The following ADGRG5 variants were observed in gnomAD, a reference collection of about 807,000 sequenced individuals.
The protein encoded by ADGRG5 is adhesion G protein-coupled receptor G5, also known as G protein-coupled receptor 114.
Under a neutral mutation model 53.2 loss-of-function variants are expected in ADGRG5, and 37 were observed. The ratio of observed to expected loss-of-function variants is 0.70; its 90% confidence interval spans 0.53 to 0.91. ADGRG5 has a LOEUF of 0.91. Ranked by LOEUF, ADGRG5 falls within the 40% of genes least tolerant of loss-of-function variation. ADGRG5 has a pLI of 0.00. For missense variants in ADGRG5, 614 were observed against 675.8 expected (o/e 0.91, Z 1.01); for synonymous variants, 277 against 290.4 (o/e 0.95, Z 0.47).
chr16:57,562,427 G>T lies in ADGRG5; in HGVS notation c.108G>T (p.Val36=). ...TGAGCTACATGGAGAATATGCAGGT[G>T]TCCAGGGGCCGGAGCTCAGTTTTTT... ...ELLSYMENMQ[V]SRGRSSVFSS... The change falls in exon 3 of 12, where the codon GTG becomes GTT. Residue 36 remains valine (V), a synonymous_variant. Transcript: ENST00000349457. The T allele has an allele frequency of 6.2e-7, 1 of 1,607,680 alleles. No individual in the cohort carries two copies. Among genetic ancestry groups the T allele is most frequent in the Non-Finnish European group, 8.5e-7 (1 of 1,177,362 alleles).
At chr16:57,542,271 A>G (rs1199373508), upstream of ADGRG5, 2 of 152,196 alleles carry the variant, frequency 1.3e-5, no homozygotes, top group African/African-American at 4.8e-5. Flanking sequence ...GGCAGGGATC[A>G]TTTTCCCTTT....
At chr16:57,547,527 C>T (rs2032648046) in intron 1 of ADGRG5, among the ~76,000 whole-genome samples, 1 of 152,194 alleles carries the variant, frequency 6.6e-6, no homozygotes, top group South Asian at 2.1e-4. Flanking sequence ...TCACTGCAAC[C>T]TCCGCCTACT....
At chr16:57,555,213 G>A (rs1204287187) in intron 1 of ADGRG5, among the ~76,000 whole-genome samples, 1 of 152,120 alleles carries the variant, frequency 6.6e-6, no homozygotes, top group East Asian at 1.9e-4. Context: ...TTCTGATATG[G>A]TTTGGCTGCA....
intron 1 of ADGRG5, among the ~76,000 whole-genome samples, chr16:57,545,605 C>T (rs1399931227): frequency 6.6e-6 from 1 of 152,210 alleles, no homozygotes; most frequent in Admixed American, 6.5e-5. Context: ...AACTATTCTG[C>T]ATTTTGCTTT....
chr16:57,561,321 C>A (rs982112765), intron 1 of ADGRG5, among the ~76,000 whole-genome samples: 3 of 152,200 alleles, frequency 2.0e-5, no homozygotes, highest in African/African-American at 7.2e-5. Flanking sequence ...TTTTCTTTCC[C>A]ATTGTTCTGT....
chr16:57,557,907 A>G (rs2032918505), intron 1 of ADGRG5, among the ~76,000 whole-genome samples: 1 of 152,202 alleles, frequency 6.6e-6, no homozygotes, highest in Admixed American at 6.5e-5. Flanking sequence ...TAACATATTT[A>G]TCAGAGCTAT....
At chr16:57,533,485 C>A in the ADGRG5 span, among the ~76,000 whole-genome samples, 1 of 151,294 alleles carries the variant, frequency 6.6e-6, no homozygotes, top group Admixed American at 6.6e-5. Flanking sequence ...CACATTCACA[C>A]ACACACCCCC....
At chr16:57,560,489 A>G (rs1489452607) in intron 1 of ADGRG5, among the ~76,000 whole-genome samples, 3 of 152,222 alleles carry the variant, frequency 2.0e-5, no homozygotes, top group Non-Finnish European at 4.4e-5. Context: ...GCTATAGGAT[A>G]CTATTCTTGG....
rs904120337 is a variant in ADGRG5, at chr16:57,574,522, G to A, written c.1209-293G>A. 1.6e-4 allele frequency among the ~76,000 whole-genome samples: 24 copies of A among 152,220 alleles called. No individual in the cohort carries two copies. Among genetic ancestry groups the A allele is most frequent in the African/African-American group, 5.5e-4 (23 of 41,448 alleles). ...ATGGAAGCAGAGAGGAGTGAGATGT[G>A]GAAAGGAGAGAGGAAGAATTTTCAG... On this transcript the variant is annotated intron_variant, in intron 10 of 11. Coordinates refer to ENST00000349457, the MANE Select transcript of ADGRG5 (RefSeq NM_001304376.3). This position sits in a 1 kb window ranked among gnomAD's most constrained non-coding sequence, Gnocchi z 4.4.
intron 1 of ADGRG5, among the ~76,000 whole-genome samples, chr16:57,544,017 C>T (rs1165323014): frequency 2.6e-5 from 4 of 152,190 alleles, no homozygotes; most frequent in Non-Finnish European, 4.4e-5. Context: ...ATCAAATTCT[C>T]ATCTTCCAAA....
At chr16:57,575,235 G>A in intron 11 of ADGRG5, 143 bp downstream of exon 11, 6 of 1,022,380 alleles carry the variant, frequency 5.9e-6, no homozygotes, top group Non-Finnish European at 7.1e-6. Context: ...AAGCTGGTGG[G>A]GGCTACATCT....
the ADGRG5 span, among the ~76,000 whole-genome samples, chr16:57,533,486 A>G: frequency 6.6e-6 from 1 of 150,462 alleles, no homozygotes; most frequent in African/African-American, 2.5e-5. Flanking sequence ...ACATTCACAC[A>G]CACACCCCCA....
chr16:57,530,726 G>A, the ADGRG5 span, among the ~76,000 whole-genome samples: 2 of 152,046 alleles, frequency 1.3e-5, no homozygotes, highest in African/African-American at 2.4e-5. Context: ...AGCCAGTGAC[G>A]TCCTTTCCAG....
At chr16:57,544,159 G>T (rs538696920) in intron 1 of ADGRG5, among the ~76,000 whole-genome samples, 1 of 152,176 alleles carries the variant, frequency 6.6e-6, no homozygotes, top group Admixed American at 6.5e-5. Flanking sequence ...GCCCTGGACC[G>T]TGGAGGCCTG....
chr16:57,567,822 C>A, intron 8 of ADGRG5, 34 bp from the exon 9 acceptor site: 1 of 1,590,958 alleles, frequency 6.3e-7, no homozygotes, highest in South Asian at 1.1e-5. Context: ...GGGTGATGTC[C>A]CTGGGCCATG....
rs776042841 is a variant in ADGRG5, at chr16:57,574,845, T to C, written c.1239T>C (p.Ser413=). 1.9e-6 allele frequency: 3 copies of C among 1,604,292 alleles called. No homozygotes were observed. In the East Asian group the frequency reaches 6.7e-5, roughly 36 times the overall value. Residue 413 remains serine, a synonymous_variant, in exon 11 of 12, where the codon AGT becomes AGC. Coordinates refer to ENST00000349457, the MANE Select transcript of ADGRG5 (RefSeq NM_001304376.3). The surrounding 1 kb of genome is among the most constrained non-coding windows in gnomAD (Gnocchi z 4.4). ...GGGTGCGGAGCCCCGTGGTGCACAG[T>C]GTCCTGGTCATGGGCTACGGCGGCC... The part of the protein sequence containing the change: ...ICWVRSPVVH[S]VLVMGYGGLT...
At chr16:57,572,452 G>A (rs1016596982) in intron 10 of ADGRG5, among the ~76,000 whole-genome samples, 1 of 151,298 alleles carries the variant, frequency 6.6e-6, no homozygotes, top group Non-Finnish European at 1.5e-5. Flanking sequence ...CAGCCTGGGC[G>A]ACAGCGAGAC....
Position 57,575,556 on chromosome 16 carries a change from G to A in ADGRG5, c.*18G>A, listed in dbSNP as rs757241360. The A allele has an allele frequency of 1.3e-6, 2 of 1,597,640 alleles. No homozygotes were observed. Among genetic ancestry groups the A allele is most frequent in the Non-Finnish European group, 1.7e-6 (2 of 1,165,408 alleles). ...CACAGTAGTCCGGGCCTCCTGGCCT[G>A]GAATCCTCAGCCTCTCTGGCCGCCA... is the stretch of plus-strand genomic sequence containing the variant. On this transcript the variant is annotated 3_prime_UTR_variant, in exon 12 of 12. Coordinates refer to ENST00000349457, the MANE Select transcript of ADGRG5 (RefSeq NM_001304376.3).
chr16:57,567,819 G>A, intron 8 of ADGRG5, 37 bp from the exon 9 acceptor site: 1 of 1,587,950 alleles, frequency 6.3e-7, no homozygotes, highest in South Asian at 1.1e-5. Flanking sequence ...CCTGGGTGAT[G>A]TCCCTGGGCC....
Sources: gnomAD v4.1 joint callset for allele counts (sites outside exome capture counted in the v4.1 genomes callset) on GRCh38, gnomAD v4.1.1 for gene constraint, Gnocchi (gnomAD v3.1) non-coding constraint, MANE v1.5 for transcripts, NCBI Gene and HGNC (gene_info 2026-07-23, HGNC 2026-07-21) for gene names.